CORO2A: variants seen among roughly 807,000 people sequenced by gnomAD.
The protein encoded by CORO2A is coronin 2A, also known as coronin-2A.
Under a neutral mutation model 62.4 loss-of-function variants are expected in CORO2A, and 47 were observed. The observed-to-expected ratio is 0.75, with a 90% CI of 0.60 to 0.96. CORO2A has a LOEUF of 0.96. Among genes scored for constraint, CORO2A ranks in the 40% least tolerant of loss-of-function variants. The pLI, the probability that CORO2A is intolerant of heterozygous loss-of-function variation, is 0.00. For synonymous variants in CORO2A, 273 were observed against 268.9 expected, an observed-to-expected ratio of 1.02 and a Z score of -0.15; for missense variants, 610 against 684.1, an observed-to-expected ratio of 0.89 and a Z score of 1.21.
Position 98,131,037 on chromosome 9 carries a change from A to G in CORO2A, c.788T>C (p.Met263Thr), listed in dbSNP as rs1230944313. The change falls in exon 7 of 12, where the codon ATG becomes ACG. Residue 263 changes from methionine (M) to threonine (T), a missense_variant. Coordinates refer to ENST00000375077, the MANE Select transcript of CORO2A (RefSeq NM_052820.4). The stretch of plus-strand genomic sequence containing the variant: ...CGAGGAGCCGTCCAGGTCCTCCTCC[A>G]TCAGAGGCACAGAGAGGTTATCCTG... ...WDQDNLSVPL[M>T]EEDLDGSSGV... 2 of 1,613,330 alleles carry G rather than the reference A, an allele frequency of 1.2e-6. No individual in the cohort carries two copies. Among genetic ancestry groups the G allele is most frequent in the Non-Finnish European group, 1.7e-6 (2 of 1,179,744 alleles).
At chr9:98,154,327 G>GTA (rs1252469980) in intron 2 of CORO2A, among the ~76,000 whole-genome samples, 30 of 93,286 alleles carry the variant, frequency 3.2e-4, no homozygotes, top group African/African-American at 7.1e-4. Context: ...ATGTGTTTGT[G>GTA]TGTATATATA....
At chr9:98,126,879 T>G in intron 10 of CORO2A, 56 bp from the exon 11 acceptor site, 1 of 1,584,128 alleles carries the variant, frequency 6.3e-7, no homozygotes, top group Non-Finnish European at 8.7e-7. Context: ...GATGGGCATA[T>G]GGGGCACCAA....
intron 1 of CORO2A, among the ~76,000 whole-genome samples, chr9:98,157,950 T>C (rs544847318): frequency 8.5e-5 from 13 of 152,290 alleles, no homozygotes; most frequent in African/African-American, 2.9e-4. Context: ...AGAAGAACCA[T>C]AGAGAGAATC....
In CORO2A at chr9:98,133,027, C is replaced by T. The variant is rs1469069068; in HGVS notation, c.648+11G>A. On this transcript the variant is annotated intron_variant, in intron 5 of 11. Coordinates refer to ENST00000375077, the MANE Select transcript of CORO2A (RefSeq NM_052820.4). The stretch of plus-strand genomic sequence containing the variant: ...CTCTGAGCCTGAGCCAGCCCCTGGC[C>T]CAGAACTGACCTGGAGGACGGTCCC... 1.9e-6 allele frequency: 3 copies of T among 1,613,936 alleles called. No individual in the cohort carries two copies.
chr9:98,158,981 C>G lies in CORO2A; in HGVS notation c.1-1321G>C, dbSNP rs116360880. ...CATGGCCAAACCCATACCCATAATA[C>G]CAGGGGGCCTCCTCTTGGCCAGACG... On this transcript the variant is annotated intron_variant, in intron 1 of 11. Coordinates refer to ENST00000375077, the MANE Select transcript of CORO2A (RefSeq NM_052820.4). 4.3e-3 allele frequency among the ~76,000 whole-genome samples: 651 copies of G among 152,104 alleles called. 4 individuals are homozygous for G. The highest frequency in any genetic ancestry group is 0.015 in the African/African-American group (626 of 41,478).
chr9:98,121,558 CTGTT>C lies in CORO2A; in HGVS notation c.*3212_*3215del, dbSNP rs1827245703. On this transcript the variant is annotated 3_prime_UTR_variant, in exon 12 of 12. Coordinates refer to ENST00000375077, the MANE Select transcript of CORO2A (RefSeq NM_052820.4). ...AAGTTTGTTCAAAGACACCTGTGTC[CTGTT>C]TGTTAAGTGTGCAGTCTGGGTCCCT... 1 of 152,082 alleles carries C rather than the reference CTGTT, an allele frequency of 6.6e-6. No individual in the cohort carries two copies. The highest frequency in any genetic ancestry group is 2.1e-4 in the South Asian group (1 of 4,826). 9.4% of individuals were successfully genotyped at this position (152,082 alleles called of 1,614,324 possible). A position where few individuals can be genotyped will look rare whatever the true frequency, so the allele number is the denominator to read the frequency against.
At chr9:98,163,745 A>T (rs75395775) in intron 1 of CORO2A, among the ~76,000 whole-genome samples, 10,607 of 115,500 alleles carry the variant, frequency 0.092, 418 homozygotes, top group Middle Eastern at 0.18. Flanking sequence ...TGTGTGTGAG[A>T]GAGAGAGAGA....
chr9:98,124,806 T>G lies in CORO2A; in HGVS notation c.1546A>C (p.Lys516Gln). ...VQAKQLELEI[K>Q]NLRMGSEQL ...TGCTCTGAGCCCATCCGCAAGTTTT[T>G]GATCTCCAGTTCCAACTGTTTGGCC... Residue 516 changes from lysine to glutamine, a missense_variant, in exon 12 of 12, where the codon AAA becomes CAA. Transcript: ENST00000375077. 6.2e-7 allele frequency: 1 copy of G among 1,611,784 alleles called. No individual in the cohort carries two copies. The highest frequency in any genetic ancestry group is 8.5e-7 in the Non-Finnish European group (1 of 1,179,004).
intron 1 of CORO2A, among the ~76,000 whole-genome samples, chr9:98,182,524 G>A (rs78729264): frequency 0.015 from 2,241 of 152,262 alleles, 52 homozygotes; most frequent in African/African-American, 0.051. Flanking sequence ...GAGCATTTCT[G>A]AGCTGGCATT....
intron 2 of CORO2A, among the ~76,000 whole-genome samples, chr9:98,153,345 C>T (rs1370061540): frequency 1.3e-5 from 2 of 151,950 alleles, no homozygotes; most frequent in East Asian, 3.9e-4. Context: ...AAGTGATCTG[C>T]CCGTCTGGGC....
At chr9:98,164,933 C>T (rs1434533587) in intron 1 of CORO2A, among the ~76,000 whole-genome samples, 1 of 132,816 alleles carries the variant, frequency 7.5e-6, no homozygotes, top group Non-Finnish European at 1.6e-5. Context: ...GTTGGTCACT[C>T]TCCCACCACT....
intron 11 of CORO2A, among the ~76,000 whole-genome samples, chr9:98,125,394 A>G (rs147716565): frequency 9.2e-5 from 14 of 152,266 alleles, no homozygotes; most frequent in Admixed American, 7.9e-4. Flanking sequence ...CCACCGTACC[A>G]CCGTGGAAAC....
rs553477657 is a variant in CORO2A at position 98,124,642 on chromosome 9, G to A, written c.*132C>T. The stretch of plus-strand genomic sequence containing the variant: ...ATGTCCCACTGGAATCTCTTTCAGC[G>A]ATGGAGAGTTTTGTTTTCTGGTAAA... On this transcript the variant is annotated 3_prime_UTR_variant, in exon 12 of 12. Coordinates refer to ENST00000375077, the MANE Select transcript of CORO2A (RefSeq NM_052820.4). The A allele has an allele frequency of 2.2e-5, 20 of 909,540 alleles. 1 individual carries two copies. The highest frequency in any genetic ancestry group is 1.5e-4 in the African/African-American group (9 of 59,064). The allele number at this position is 909,540 out of a possible 1,614,324, so 56.3% of individuals were successfully genotyped here.
intron 2 of CORO2A, among the ~76,000 whole-genome samples, chr9:98,139,762 CT>C (rs1827541372): frequency 6.6e-6 from 1 of 152,120 alleles, no homozygotes; most frequent in South Asian, 2.1e-4. Flanking sequence ...TGCCACTGCA[CT>C]CCAGCCTGGG....
intron 2 of CORO2A, among the ~76,000 whole-genome samples, chr9:98,154,329 G>GCATATATATATATA (rs1827771250): frequency 1.1e-5 from 1 of 88,960 alleles, no homozygotes; most frequent in African/African-American, 5.4e-5. Context: ...GTGTTTGTGT[G>GCATATATATATATA]TATATATATA....
chr9:98,157,300 C>T (rs900150956), intron 2 of CORO2A, 160 bp downstream of exon 2: 14 of 669,392 alleles, frequency 2.1e-5, no homozygotes, highest in Non-Finnish European at 3.5e-5. Context: ...GTATTTTTCC[C>T]AGTGAGGAAA....
chr9:98,131,156 G>C (rs1363148155), intron 6 of CORO2A, 97 bp from the exon 7 acceptor site: 8 of 752,170 alleles, frequency 1.1e-5, no homozygotes, highest in African/African-American at 5.2e-5. Context: ...TGCTCTGGGC[G>C]AGAGTGTGTG....
intron 9 of CORO2A, 68 bp from the exon 10 acceptor site, chr9:98,128,328 A>T (rs1400266081): frequency 1.6e-5 from 20 of 1,275,500 alleles, no homozygotes; most frequent in South Asian, 3.8e-5. Context: ...AGGCCCTTAG[A>T]CCTGGGAGTC....
At position 98,126,727 on chromosome 9, in the gene CORO2A, G is replaced by A. The variant is rs1009715793; in HGVS notation, c.1268C>T (p.Ser423Leu). 2 of 1,614,258 alleles carry A rather than the reference G, an allele frequency of 1.2e-6. No individual in the cohort carries two copies. The highest frequency in any genetic ancestry group is 3.3e-5 in the Admixed American group (2 of 60,028). The change falls in exon 11 of 12, where the codon TCA (serine) becomes TTA (leucine). Residue 423 changes from serine to leucine, a missense_variant. Coordinates refer to ENST00000375077, the MANE Select transcript of CORO2A (RefSeq NM_052820.4). Reference sequence around the variant, plus strand: ...TTCTGTCTGATTCAAGAGCCGGGGTGAGGCTGGGGCCATGGAATTGAAGAT... The same window carrying A: ...TTCTGTCTGATTCAAGAGCCGGGGTAAGGCTGGGGCCATGGAATTGAAGAT... The part of the protein sequence containing the change: ...RPIFNSMAPA[S>L]PRLLNQTEKL...
Sources: allele counts gnomAD v4.1 joint callset (sites outside exome capture counted in the v4.1 genomes callset), GRCh38; gene constraint gnomAD v4.1.1; transcripts MANE v1.5; gene names NCBI Gene and HGNC (gene_info 2026-07-23, HGNC 2026-07-21).